Variants in CLIP1 observed in about 807,000 individuals in gnomAD.
The protein encoded by CLIP1 is CAP-Gly domain-containing linker protein 1.
A neutral mutation model predicts 161.6 loss-of-function variants in CLIP1; 66 were observed. The observed-to-expected ratio is 0.41, with a 90% CI of 0.33 to 0.50. The LOEUF is 0.50. CLIP1 is among the 20% of genes least tolerant of loss of function. CLIP1 has a pLI of 0.27. For synonymous variants in CLIP1, 598 were observed against 626.2 expected (o/e 0.96, Z 0.67); for missense variants, 1,376 against 1,702.0 (o/e 0.81, Z 3.37).
rs752530516 is a variant in CLIP1, at chr12:122,316,881, G to A, written c.3367-26C>T. 3.8e-6 allele frequency: 5 copies of A among 1,303,844 alleles called. No homozygotes were observed. In the East Asian group the frequency reaches 9.7e-5, roughly 25 times the overall value. The allele number at this position is 1,303,844 out of a possible 1,614,324, so 80.8% of individuals were successfully genotyped here. On this transcript the variant is annotated intron_variant, in intron 18 of 25. Coordinates refer to ENST00000620786, the MANE Select transcript of CLIP1 (RefSeq NM_001247997.2). ...CTTAAAGACCAAGAGAAAAAAACTT[G>A]ATGAAATTATTTCATTTTCCAGTGA...
In CLIP1 at chr12:122,373,800, G is replaced by C. The variant is rs74982877; in HGVS notation, c.657+3589C>G. ...TCCATACAAGTGCCCCAAATCTACA[G>C]TCTACAATCTACGAAAGCATATTAT... On this transcript the variant is annotated intron_variant, in intron 3 of 25. Transcript: ENST00000620786. 3.3e-3 allele frequency among the ~76,000 whole-genome samples: 502 copies of C among 152,130 alleles called. 2 individuals are homozygous for C. The highest frequency in any genetic ancestry group is 0.031 in the East Asian group (161 of 5,182).
Position 122,306,998 on chromosome 12 carries a change from C to CTTTT in CLIP1, c.3594+2760_3594+2763dup, listed in dbSNP as rs56949793. ...TATCTGTGTATCCTTGGTAAGTTCA[C>CTTTT]TTTTTTTTTTTTTTTTTTTTTTTTT... On this transcript the variant is annotated intron_variant, in intron 20 of 25. Coordinates refer to ENST00000620786, the MANE Select transcript of CLIP1 (RefSeq NM_001247997.2). 1.4e-3 allele frequency among the ~76,000 whole-genome samples: 110 copies of CTTTT among 81,014 alleles called. 20 individuals carry two copies. Among genetic ancestry groups the CTTTT allele is most frequent in the African/African-American group, 5.7e-3 (95 of 16,760 alleles). 53.1% of individuals were successfully genotyped at this position (81,014 alleles called of 152,430 possible).
Position 122,364,006 on chromosome 12 carries a change from A to G in CLIP1, c.759T>C (p.Asn253=). ...ACCTTGTTCCAGCAACAGCGCCATC[A>G]TTCTTCCCAAGTGGCTCATCTAACT... is the stretch of plus-strand genomic sequence containing the variant. ...GVELDEPLGK[N]DGAVAGTRYF... is the part of the protein sequence containing the mutation. Residue 253 remains asparagine (N), a synonymous_variant, in exon 4 of 26, where the codon AAT becomes AAC. Coordinates refer to ENST00000620786, the MANE Select transcript of CLIP1 (RefSeq NM_001247997.2). The G allele has an allele frequency of 6.2e-7, 1 of 1,614,108 alleles. No individual in the cohort carries two copies. The highest frequency in any genetic ancestry group is 1.7e-5 in the Admixed American group (1 of 60,008).
rs1952985066 is a variant in CLIP1 at position 122,350,599 on chromosome 12, G to A, written c.1401+512C>T. ...CTCATCAGCTGCACTGGCAGGCACT[G>A]GCCAGTGGCGGGGGCACACTGAAAA... On this transcript the variant is annotated intron_variant, in intron 9 of 25. Transcript: ENST00000620786. Among the ~76,000 whole-genome samples, 2 of 151,954 alleles carry A rather than the reference G, an allele frequency of 1.3e-5. 1 individual carries two copies. Among genetic ancestry groups the A allele is most frequent in the South Asian group, 4.1e-4 (2 of 4,822 alleles).
chr12:122,305,182 A>G (rs187883358), intron 20 of CLIP1, among the ~76,000 whole-genome samples: 2 of 152,362 alleles, frequency 1.3e-5, no homozygotes, highest in Admixed American at 1.3e-4. Context: ...GGTGGAACAC[A>G]TGTGAGGTTT....
At chr12:122,324,898 T>A (rs1325762372) in intron 17 of CLIP1, among the ~76,000 whole-genome samples, 1 of 152,100 alleles carries the variant, frequency 6.6e-6, no homozygotes, top group Non-Finnish European at 1.5e-5. Context: ...TGAGAGTGAT[T>A]TAGTCCCAAT....
At chr12:122,298,237 T>C (rs1466734167) in intron 20 of CLIP1, among the ~76,000 whole-genome samples, 1 of 152,218 alleles carries the variant, frequency 6.6e-6, no homozygotes, top group Non-Finnish European at 1.5e-5. Flanking sequence ...ACTAAAGTTC[T>C]GTATTATGCA....
intron 11 of CLIP1, 91 bp from the exon 12 acceptor site, chr12:122,336,839 T>A: frequency 5.5e-6 from 3 of 548,824 alleles, no homozygotes; most frequent in Non-Finnish European, 9.2e-6. Flanking sequence ...TGTAAAAAAC[T>A]TATGAGAAAC....
At chr12:122,358,072 CTT>C (rs1034151941) in intron 5 of CLIP1, among the ~76,000 whole-genome samples, 1 of 152,124 alleles carries the variant, frequency 6.6e-6, no homozygotes, top group African/African-American at 2.4e-5. Context: ...ACATGGGAGA[CTT>C]TTCATTTTGC....
chr12:122,309,658 A>G, intron 20 of CLIP1, 104 bp downstream of exon 20: 1 of 1,343,366 alleles, frequency 7.4e-7, no homozygotes, highest in Non-Finnish European at 1.0e-6. Context: ...ATTTGGAATG[A>G]CCCCACCACA....
At chr12:122,303,609 AC>A (rs1287067258) in intron 20 of CLIP1, among the ~76,000 whole-genome samples, 1 of 151,988 alleles carries the variant, frequency 6.6e-6, no homozygotes, top group Non-Finnish European at 1.5e-5. Context: ...CACTCACTCT[AC>A]CTGAACACAG....
In CLIP1 at chr12:122,417,521, T is replaced by G. The variant is rs1289019383; in HGVS notation, c.-107+5000A>C. Among the ~76,000 whole-genome samples the G allele has an allele frequency of 7.6e-4, 114 of 149,742 alleles. 2 individuals carry two copies. Among genetic ancestry groups the G allele is most frequent in the Middle Eastern group, 6.8e-3 (2 of 294 alleles). On this transcript the variant is annotated intron_variant, in intron 1 of 25. Transcript: ENST00000620786. ...TAAAATTATTCTGCCTTTTTTTTTT[T>G]TTTTTTTTTGAAACGGAGTCTCGCT...
Position 122,278,802 on chromosome 12 carries a change from G to T in CLIP1, c.3906C>A (p.Ser1302Arg). Residue 1302 changes from serine (S) to arginine (R), a missense_variant, in exon 23 of 26, where the codon AGC becomes AGA. Transcript: ENST00000620786. Reference protein sequence around the residue: ...LQLKENKRQLSSSSGNTDTQA... With the variant: ...LQLKENKRQLRSSSGNTDTQA... ...GCAGGCGCCCTTTACCTGAGGAGCT[G>T]CTGAGCTGCCTCTTGTTTTCTTTGA... is the stretch of plus-strand genomic sequence containing the variant. 1 of 1,600,662 alleles carries T rather than the reference G, an allele frequency of 6.2e-7. No homozygotes were observed. The highest frequency in any genetic ancestry group is 8.5e-7 in the Non-Finnish European group (1 of 1,174,286).
intron 10 of CLIP1, chr12:122,344,143 T>C (rs1237701869): frequency 6.6e-6 from 1 of 152,248 alleles, no homozygotes; most frequent in South Asian, 2.1e-4. Flanking sequence ...ATGTTTTCTT[T>C]CATTTCCTCT....
Position 122,341,142 on chromosome 12 carries a change from G to T in CLIP1, c.2062C>A (p.His688Asn). 1 of 1,614,082 alleles carries T rather than the reference G, an allele frequency of 6.2e-7. No homozygotes were observed. Among genetic ancestry groups the T allele is most frequent in the Non-Finnish European group, 8.5e-7 (1 of 1,180,014 alleles). ...QNQQDSERAA[H>N]AKEMEALRAK... ...CTCAAGGCTTCCATCTCTTTAGCAT[G>T]GGCAGCCCGTTCAGAGTCTTGTTGA... is the stretch of plus-strand genomic sequence containing the variant. The change falls in exon 11 of 26, where the codon CAT (histidine) becomes AAT (asparagine). Residue 688 changes from histidine to asparagine, a missense_variant. By Grantham distance (68) the His-to-Asn change is moderately conservative. Coordinates refer to ENST00000620786, the MANE Select transcript of CLIP1 (RefSeq NM_001247997.2).
chr12:122,395,149 A>G (rs1410626440), intron 1 of CLIP1, among the ~76,000 whole-genome samples: 1 of 152,234 alleles, frequency 6.6e-6, no homozygotes, highest in Non-Finnish European at 1.5e-5. Flanking sequence ...GAAAAAATGG[A>G]TAGTAAATTC....
chr12:122,348,852 GA>G (rs1227125355), intron 9 of CLIP1, among the ~76,000 whole-genome samples: 4 of 152,206 alleles, frequency 2.6e-5, no homozygotes, highest in Non-Finnish European at 5.9e-5. Flanking sequence ...AGCTTCAGTA[GA>G]GGGGGGAATG....
At chr12:122,376,660 TG>T (rs1321675697) in intron 3 of CLIP1, among the ~76,000 whole-genome samples, 2 of 151,596 alleles carry the variant, frequency 1.3e-5, no homozygotes, top group Non-Finnish European at 2.9e-5. Context: ...TTAGTAGAGA[TG>T]GGGTTTCACC....
chr12:122,408,404 A>G (rs1282247183), intron 1 of CLIP1, among the ~76,000 whole-genome samples: 2 of 151,680 alleles, frequency 1.3e-5, no homozygotes, highest in African/African-American at 4.8e-5. Flanking sequence ...GCTGGAGTGC[A>G]GTGGTGCAAT....
Sources: gnomAD v4.1 joint callset for allele counts (sites outside exome capture counted in the v4.1 genomes callset) on GRCh38, gnomAD v4.1.1 for gene constraint, MANE v1.5 for transcripts, NCBI Gene and HGNC (gene_info 2026-07-23, HGNC 2026-07-21) for gene names.